Variants in LRP1B observed in about 807,000 individuals in gnomAD.
LRP1B encodes LDL receptor related protein 1B.
LRP1B carries 217 observed loss-of-function variants against 556.6 expected under a neutral mutation model. The ratio of observed to expected loss-of-function variants is 0.39; its 90% CI spans 0.35 to 0.44. The LOEUF is 0.44. LRP1B is among the 20% of genes least tolerant of loss of function. The probability of loss-of-function intolerance (pLI) is 1.00; values close to 1 mark genes in which losing one functional copy is unlikely to be tolerated. For synonymous variants in LRP1B, 2,047 were observed against 1,865.8 expected (o/e 1.10, Z -2.50); for missense variants, 5,053 against 5,620.8 (o/e 0.90, Z 3.23).
At chr2:140,766,143 A>T (rs190455882) in intron 35 of LRP1B, among the ~76,000 whole-genome samples, 15 of 152,172 alleles carry the variant, frequency 9.9e-5, no homozygotes, top group African/African-American at 3.4e-4. Context: ...GAAATAAAAT[A>T]TCTGCAAAAG....
At chr2:141,329,657 A>AC (rs1687568196) in intron 3 of LRP1B, among the ~76,000 whole-genome samples, 5 of 143,404 alleles carry the variant, frequency 3.5e-5, no homozygotes, top group East Asian at 2.0e-4. Context: ...AAAAAAAAAA[A>AC]AAAAAAAACT....
At chr2:141,737,590 C>T (rs1198146619) in intron 2 of LRP1B, among the ~76,000 whole-genome samples, 2 of 152,094 alleles carry the variant, frequency 1.3e-5, no homozygotes, top group Non-Finnish European at 2.9e-5. Flanking sequence ...ATTATGTCAG[C>T]TCAGATTGAT....
chr2:141,388,505 C>T (rs766599367), intron 3 of LRP1B, among the ~76,000 whole-genome samples: 3 of 151,956 alleles, frequency 2.0e-5, no homozygotes, highest in Non-Finnish European at 4.4e-5. Context: ...ATGGAAACTA[C>T]TTCAATATAA....
At chr2:141,692,445 C>T (rs969231322) in intron 2 of LRP1B, among the ~76,000 whole-genome samples, 1 of 152,016 alleles carries the variant, frequency 6.6e-6, no homozygotes, top group Admixed American at 6.6e-5. Flanking sequence ...ATTCTTTGTT[C>T]CACTTAACCA....
At chr2:141,968,908 A>G (rs989908211) in intron 1 of LRP1B, among the ~76,000 whole-genome samples, 3 of 151,690 alleles carry the variant, frequency 2.0e-5, no homozygotes, top group Non-Finnish European at 3.0e-5. Context: ...GTTTCAAACA[A>G]TCCTTACTTC....
At chr2:141,876,515 T>C (rs551798587) in intron 1 of LRP1B, among the ~76,000 whole-genome samples, 4 of 152,096 alleles carry the variant, frequency 2.6e-5, no homozygotes, top group Admixed American at 2.6e-4. Flanking sequence ...GGAGAAAAGA[T>C]ATATTATAGA....
In LRP1B at chr2:140,447,864, G is replaced by A. The variant is rs533451233; in HGVS notation, c.10057+2704C>T. Among the ~76,000 whole-genome samples the A allele has an allele frequency of 6.6e-5, 10 of 152,084 alleles. No homozygotes were observed. In the South Asian group the frequency reaches 1.2e-3, roughly 19 times the overall value. On this transcript the variant is annotated intron_variant, in intron 63 of 90. Transcript: ENST00000389484. ...TATTAGTTGACCTAATTTTAGTATTGTTATGCTTAGGGAAAAAGGAGGCCC... is the reference window on the plus strand; with the variant it reads ...TATTAGTTGACCTAATTTTAGTATTATTATGCTTAGGGAAAAAGGAGGCCC...
intron 41 of LRP1B, among the ~76,000 whole-genome samples, chr2:140,628,892 C>T (rs534040152): frequency 1.3e-5 from 2 of 152,190 alleles, no homozygotes; most frequent in South Asian, 4.1e-4. Flanking sequence ...TCACTCTCTT[C>T]CTCCTGCTCC....
At chr2:141,333,414 T>C (rs977823875) in intron 3 of LRP1B, among the ~76,000 whole-genome samples, 4 of 152,210 alleles carry the variant, frequency 2.6e-5, no homozygotes, top group Non-Finnish European at 5.9e-5. Context: ...ACATGGACGC[T>C]ACTATTGGTA....
Position 140,704,904 on chromosome 2 carries a change from G to A in LRP1B, c.6024-2351C>T, listed in dbSNP as rs974104889. Among the ~76,000 whole-genome samples the A allele has an allele frequency of 3.3e-5, 5 of 152,172 alleles. No homozygotes were observed. In the East Asian group the frequency reaches 9.7e-4, roughly 29 times the overall value. On this transcript the variant is annotated intron_variant, in intron 37 of 90. Transcript: ENST00000389484. ...GAACAGATCAAATAAGCTATTTATA[G>A]GTTGGTACACAAATAAATGTGTTTA...
intron 35 of LRP1B, among the ~76,000 whole-genome samples, chr2:140,757,432 G>T (rs1688775710): frequency 6.6e-6 from 1 of 152,126 alleles, no homozygotes. Flanking sequence ...ATGTCTTATA[G>T]CAATAAAATG....
chr2:140,809,009 A>C (rs1460533907), intron 32 of LRP1B, among the ~76,000 whole-genome samples: 1 of 151,910 alleles, frequency 6.6e-6, no homozygotes, highest in Non-Finnish European at 1.5e-5. Context: ...CTAGTGGTAC[A>C]GTTGGGTGTT....
intron 66 of LRP1B, among the ~76,000 whole-genome samples, chr2:140,400,933 T>C (rs1292094114): frequency 2.0e-5 from 3 of 152,056 alleles, no homozygotes; most frequent in Admixed American, 6.6e-5. Context: ...GTAAAAAAGA[T>C]AAAAGTAAAA....
intron 3 of LRP1B, among the ~76,000 whole-genome samples, chr2:141,332,583 G>A (rs1008813133): frequency 1.4e-4 from 22 of 151,840 alleles, no homozygotes; most frequent in Non-Finnish European, 7.4e-5. Context: ...TCAGGAGAAT[G>A]TTCTCACTGT....
At position 141,373,452 on chromosome 2, in the gene LRP1B, C is replaced by A. The variant is rs532760827; in HGVS notation, c.343+106944G>T. 2.0e-5 allele frequency among the ~76,000 whole-genome samples: 3 copies of A among 152,120 alleles called. No homozygotes were observed. In the South Asian group the frequency reaches 6.2e-4, roughly 32 times the overall value. On this transcript the variant is annotated intron_variant, in intron 3 of 90. Transcript: ENST00000389484. Reference sequence around the variant, plus strand: ...TATGGGTAGGGTGTTGGAGTCCCTACCTATTATTGTATTGCTGTCTATCTC... The same window carrying A: ...TATGGGTAGGGTGTTGGAGTCCCTAACTATTATTGTATTGCTGTCTATCTC...
At chr2:140,278,152 G>T (rs568385296) in intron 84 of LRP1B, among the ~76,000 whole-genome samples, 84 of 151,822 alleles carry the variant, frequency 5.5e-4, no homozygotes, top group African/African-American at 1.5e-3. Flanking sequence ...TTTATATAAG[G>T]TTCAAAAGTT....
At chr2:140,812,790 A>C (rs1223005889) in intron 32 of LRP1B, among the ~76,000 whole-genome samples, 1 of 151,976 alleles carries the variant, frequency 6.6e-6, no homozygotes, top group Non-Finnish European at 1.5e-5. Flanking sequence ...CAGAATTATA[A>C]ATATTAAATA....
chr2:142,078,965 G>A (rs561930509), intron 1 of LRP1B, among the ~76,000 whole-genome samples: 10 of 152,202 alleles, frequency 6.6e-5, no homozygotes, highest in African/African-American at 2.4e-4. Context: ...TAAATCAGTT[G>A]TAATGTTTTT....
chr2:142,107,793 AATT>A (rs1706804909), intron 1 of LRP1B, among the ~76,000 whole-genome samples: 1 of 89,052 alleles, frequency 1.1e-5, no homozygotes, highest in South Asian at 3.2e-4. Context: ...ACGCCTAGCT[AATT>A]TTTTTTTTTT....
Sources: allele counts gnomAD v4.1 joint callset (sites outside exome capture counted in the v4.1 genomes callset), GRCh38; gene constraint gnomAD v4.1.1; transcripts MANE v1.5; gene names NCBI Gene and HGNC (gene_info 2026-07-23, HGNC 2026-07-21).